The following RIC1 variants were observed in gnomAD, a reference collection of about 807,000 sequenced individuals.
RIC1 encodes guanine nucleotide exchange factor subunit RIC1.
In RIC1, 88 loss-of-function variants were observed where a neutral mutation model predicts 169.0. The ratio of observed to expected loss-of-function variants is 0.52; its 90% CI spans 0.44 to 0.62. The LOEUF (loss-of-function observed/expected upper bound fraction) is 0.62, where lower values mean the gene tolerates loss of function less well. Ranked by LOEUF, RIC1 falls within the 20% of genes least tolerant of loss-of-function variation. The pLI is 0.00. For synonymous variants in RIC1, 790 were observed against 601.5 expected (o/e 1.31, Z -4.59); for missense variants, 1,877 against 1,725.5 (o/e 1.09, Z -1.56).
At chr9:5,748,994 T>A (rs1587103979) in intron 12 of RIC1, among the ~76,000 whole-genome samples, 1 of 152,306 alleles carries the variant, frequency 6.6e-6, no homozygotes, top group East Asian at 1.9e-4. Flanking sequence ...ACATTGATTG[T>A]TTTGTACTGC....
chr9:5,711,456 TACTC>T (rs1347349165), intron 3 of RIC1, among the ~76,000 whole-genome samples: 17 of 152,156 alleles, frequency 1.1e-4, no homozygotes, highest in African/African-American at 3.4e-4. Flanking sequence ...TGTCATCAAA[TACTC>T]AGTCTGTGTT....
chr9:5,704,919 T>C, intron 3 of RIC1, among the ~76,000 whole-genome samples: 1 of 152,182 alleles, frequency 6.6e-6, no homozygotes, highest in Non-Finnish European at 1.5e-5. Context: ...ACAGAGAATG[T>C]TGTTTCCCCT....
At chr9:5,646,929 T>G (rs183644408) in intron 1 of RIC1, among the ~76,000 whole-genome samples, 193 of 152,278 alleles carry the variant, frequency 1.3e-3, no homozygotes, top group Admixed American at 3.5e-3. Context: ...TTCTAAGAGT[T>G]TTATAGGGTG....
At chr9:5,666,594 A>G (rs1162416890) in intron 2 of RIC1, among the ~76,000 whole-genome samples, 1 of 152,120 alleles carries the variant, frequency 6.6e-6, no homozygotes, top group African/African-American at 2.4e-5. Context: ...TTTTATTGTT[A>G]AAGGTGTTAA....
intron 2 of RIC1, among the ~76,000 whole-genome samples, chr9:5,662,845 C>T (rs1278305114): frequency 6.6e-5 from 10 of 152,072 alleles, no homozygotes; most frequent in Admixed American, 4.6e-4. Flanking sequence ...TTCAGTTCTG[C>T]TCTGATCTTG....
chr9:5,654,536 C>G (rs571485095), intron 1 of RIC1, among the ~76,000 whole-genome samples: 1 of 152,178 alleles, frequency 6.6e-6, no homozygotes, highest in East Asian at 1.9e-4. Flanking sequence ...GCGTGAGCCA[C>G]TGTGCCCAGC....
In RIC1 at chr9:5,742,871, A is replaced by T; in HGVS notation, c.904A>T (p.Ile302Phe). ...CTCTTCTCACTATTTCCTAACAGAC[A>T]TTTGGAATAAAACAGGAGCTGTTAA... ...LELTAKQYPD[I>F]WNKTGAVKLM... The change falls in exon 9 of 26, where the codon ATT (isoleucine) becomes TTT (phenylalanine). Residue 302 changes from isoleucine to phenylalanine, a missense_variant and splice_region_variant. Ile to Phe is a conservative substitution (Grantham distance 21, BLOSUM62 0). Around this residue, in one of 3 missense-constraint regions of RIC1, gnomAD observed 1,104 missense variants for 992.0 expected, o/e 1.11. Coordinates refer to ENST00000414202, the MANE Select transcript of RIC1 (RefSeq NM_020829.4). 1 of 1,611,124 alleles carries T rather than the reference A, an allele frequency of 6.2e-7. No homozygotes were observed. Among genetic ancestry groups the T allele is most frequent in the Admixed American group, 1.7e-5 (1 of 59,856 alleles).
chr9:5,757,581 G>A (rs1291393179), intron 17 of RIC1, 130 bp downstream of exon 17: 4 of 888,136 alleles, frequency 4.5e-6, no homozygotes, highest in Non-Finnish European at 6.8e-6. Context: ...AGAATGCTGG[G>A]TTGCAGTGGC....
chr9:5,667,302 A>G (rs1048325189), intron 2 of RIC1, among the ~76,000 whole-genome samples: 1 of 152,144 alleles, frequency 6.6e-6, no homozygotes, highest in Non-Finnish European at 1.5e-5. Flanking sequence ...AGCCTGGGCA[A>G]TAGAGCAAGA....
At chr9:5,645,055 A>C (rs890485932) in intron 1 of RIC1, among the ~76,000 whole-genome samples, 1 of 152,098 alleles carries the variant, frequency 6.6e-6, no homozygotes. Context: ...CCATTTCGCT[A>C]TACCTATGTA....
intron 1 of RIC1, among the ~76,000 whole-genome samples, chr9:5,654,200 C>A (rs1018922893): frequency 5.9e-5 from 9 of 151,878 alleles, no homozygotes; most frequent in African/African-American, 2.2e-4. Flanking sequence ...GACAAGGTTT[C>A]ACCATGTTGC....
At chr9:5,753,681 A>G (rs764391174) in intron 14 of RIC1, 35 bp downstream of exon 14, 1 of 1,105,994 alleles carries the variant, frequency 9.0e-7, no homozygotes, top group Non-Finnish European at 1.4e-6. Context: ...CCTATTTCTC[A>G]AAGTATAAGA....
chr9:5,763,233 G>A lies in RIC1; in HGVS notation c.2206G>A (p.Ala736Thr). 6.2e-7 allele frequency: 1 copy of A among 1,614,130 alleles called. No individual in the cohort carries two copies. The highest frequency in any genetic ancestry group is 8.5e-7 in the Non-Finnish European group (1 of 1,180,006). The change falls in exon 19 of 26, where the codon GCC (alanine) becomes ACC (threonine). Residue 736 changes from alanine (A) to threonine (T), a missense_variant. Physicochemically the swap from Ala to Thr is moderately conservative, Grantham distance 58. Around this residue, in one of 3 missense-constraint regions of RIC1, gnomAD observed 1,104 missense variants for 992.0 expected, o/e 1.11. Coordinates refer to ENST00000414202, the MANE Select transcript of RIC1 (RefSeq NM_020829.4). The surrounding 1 kb of genome is among the most constrained non-coding windows in gnomAD (Gnocchi z 5.2). ...ANKQKRHLLE[A>T]LWLSCGGAGM... Reference sequence around the variant, plus strand: ...TAAACAGAAACGTCACCTTCTGGAGGCCCTCTGGCTGAGCTGTGGTGGTGC... The same window carrying A: ...TAAACAGAAACGTCACCTTCTGGAGACCCTCTGGCTGAGCTGTGGTGGTGC...
At chr9:5,650,134 T>A (rs1419764264) in intron 1 of RIC1, among the ~76,000 whole-genome samples, 1 of 152,056 alleles carries the variant, frequency 6.6e-6, no homozygotes, top group Admixed American at 6.5e-5. Flanking sequence ...TTAGCAGGTT[T>A]AATTGGGTTG....
At position 5,738,334 on chromosome 9, in the gene RIC1, C is replaced by A. The variant is rs1824856971; in HGVS notation, c.813-116C>A. On this transcript the variant is annotated intron_variant, in intron 7 of 25. Transcript: ENST00000414202. Reference sequence around the variant, plus strand: ...TTATGAGATGACTGCAACTTATTGACAAAGTGGTTTTGTTCTAGTTTACAC... The same window carrying A: ...TTATGAGATGACTGCAACTTATTGAAAAAGTGGTTTTGTTCTAGTTTACAC... The A allele has an allele frequency of 2.1e-5, 14 of 672,302 alleles. No individual in the cohort carries two copies. The South Asian group carries it at 2.3e-4, about 11-fold the overall frequency. The allele number at this position is 672,302 out of a possible 1,614,324, so 41.6% of individuals were successfully genotyped here.
At chr9:5,770,415 A>C (rs1324467971) in intron 23 of RIC1, 137 bp downstream of exon 23, 11 of 782,502 alleles carry the variant, frequency 1.4e-5, no homozygotes, top group Non-Finnish European at 2.1e-5. Context: ...AGAGGTAGAA[A>C]GTTTGTAGAA....
intron 6 of RIC1, among the ~76,000 whole-genome samples, chr9:5,730,028 T>A (rs553720223): frequency 7.0e-6 from 1 of 143,022 alleles, no homozygotes; most frequent in Admixed American, 6.7e-5. Flanking sequence ...TTTTTTCTAA[T>A]AAGTTAAGGA....
chr9:5,760,471 A>C (rs1321272818), intron 17 of RIC1, among the ~76,000 whole-genome samples: 1 of 152,228 alleles, frequency 6.6e-6, no homozygotes, highest in African/African-American at 2.4e-5. Flanking sequence ...TTAAAACTTA[A>C]GGTAGTCATT....
chr9:5,720,282 C>G lies in RIC1; in HGVS notation c.541C>G (p.Leu181Val). 3.1e-6 allele frequency: 5 copies of G among 1,613,772 alleles called. No homozygotes were observed. Among genetic ancestry groups the G allele is most frequent in the Non-Finnish European group, 4.2e-6 (5 of 1,179,718 alleles). The change falls in exon 5 of 26, where the codon CTT (leucine) becomes GTT (valine). Residue 181 changes from leucine to valine, a missense_variant. Physicochemically the swap from Leu to Val is conservative, Grantham distance 32 (BLOSUM62 1). Coordinates refer to ENST00000414202, the MANE Select transcript of RIC1 (RefSeq NM_020829.4). ...GMTNGRKAIN[L>V]CTVPFSVDLQ... ...GACAAATGGAAGGAAAGCCATTAAT[C>G]TTTGCACAGTACCCTTTTCAGTAGA... is the stretch of plus-strand genomic sequence containing the variant.
Sources: allele counts gnomAD v4.1 joint callset (sites outside exome capture counted in the v4.1 genomes callset), GRCh38; gene constraint gnomAD v4.1.1; regional missense constraint gnomAD v4.1.1; non-coding constraint Gnocchi (gnomAD v3.1); transcripts MANE v1.5; gene names NCBI Gene and HGNC (gene_info 2026-07-23, HGNC 2026-07-21).